NVL: variants seen among roughly 807,000 people sequenced by gnomAD.
NVL encodes nuclear VCP like.
Under a neutral mutation model 110.2 loss-of-function variants are expected in NVL, and 84 were observed. The ratio of observed to expected loss-of-function variants is 0.76; its 90% CI spans 0.64 to 0.91. The LOEUF is 0.91. Ranked by LOEUF, NVL falls within the 40% of genes least tolerant of loss-of-function variation. NVL has a pLI of 0.00. For missense variants in NVL, 882 were observed against 1,035.9 expected (o/e 0.85, Z 2.04); for synonymous variants, 354 against 361.1 (o/e 0.98, Z 0.22).
At position 224,314,567 on chromosome 1, in the gene NVL, G is replaced by A. The variant is rs549574695; in HGVS notation, c.285-2710C>T. Among the ~76,000 whole-genome samples the A allele has an allele frequency of 7.9e-5, 12 of 152,226 alleles. No individual in the cohort carries two copies. In the South Asian group the frequency reaches 1.0e-3, roughly 13 times the overall value. ...ATATCTAGCAAAATTAAAATTTATC[G>A]AAATCCTTCAGAAAAAGAAGACTCG... On this transcript the variant is annotated intron_variant, in intron 4 of 22. Transcript: ENST00000281701.
intron 9 of NVL, among the ~76,000 whole-genome samples, chr1:224,301,276 C>T (rs1485419747): frequency 2.6e-5 from 4 of 152,056 alleles, no homozygotes; most frequent in Non-Finnish European, 4.4e-5. Flanking sequence ...AGCAATTCTT[C>T]GTTTTTTTTG....
chr1:224,259,569 G>A lies in NVL; in HGVS notation c.2182+8465C>T, dbSNP rs1256300912. On this transcript the variant is annotated intron_variant, in intron 18 of 22. Transcript: ENST00000281701. Reference sequence around the variant, plus strand: ...TAGCAACACTATAAATATATCCATTGAAAATAATTACAAGATCAGACAACC... The same window carrying A: ...TAGCAACACTATAAATATATCCATTAAAAATAATTACAAGATCAGACAACC... Among the ~76,000 whole-genome samples, 11 of 152,188 alleles carry A rather than the reference G, an allele frequency of 7.2e-5. No homozygotes were observed. The East Asian group carries it at 1.9e-3, about 27-fold the overall frequency.
chr1:224,269,322 C>T (rs938154092), intron 17 of NVL, among the ~76,000 whole-genome samples: 2 of 150,536 alleles, frequency 1.3e-5, no homozygotes, highest in Non-Finnish European at 3.0e-5. Context: ...CTGAGCTCAA[C>T]CAATCCTCCT....
chr1:224,281,363 C>T (rs570715247), intron 15 of NVL, among the ~76,000 whole-genome samples, 178 bp from the exon 16 acceptor site: 8 of 151,698 alleles, frequency 5.3e-5, no homozygotes, highest in African/African-American at 9.7e-5. Flanking sequence ...TGCAGTGGCG[C>T]GATCTCGGCT....
At chr1:224,272,463 A>T (rs577329524) in intron 17 of NVL, among the ~76,000 whole-genome samples, 1 of 152,256 alleles carries the variant, frequency 6.6e-6, no homozygotes, top group African/African-American at 2.4e-5. Flanking sequence ...CACATCTGTA[A>T]TGCCAGCACT....
At chr1:224,304,854 G>A in intron 7 of NVL, 42 bp from the exon 8 acceptor site, 3 of 1,529,460 alleles carry the variant, frequency 2.0e-6, no homozygotes, top group Middle Eastern at 3.4e-4. Flanking sequence ...TAATGATTCA[G>A]TAGTAACTCA....
intron 10 of NVL, among the ~76,000 whole-genome samples, chr1:224,300,208 T>A (rs1241779812): frequency 6.6e-6 from 1 of 152,248 alleles, no homozygotes; most frequent in Non-Finnish European, 1.5e-5. Context: ...TAACAATTTT[T>A]ACATTGCTTA....
intron 2 of NVL, among the ~76,000 whole-genome samples, chr1:224,322,054 G>A (rs556089270): frequency 1.7e-4 from 26 of 152,086 alleles, no homozygotes; most frequent in African/African-American, 4.8e-4. Flanking sequence ...AGTGAGTGGC[G>A]GGGATAGAAA....
At chr1:224,261,422 T>A (rs1371994956) in intron 18 of NVL, among the ~76,000 whole-genome samples, 1 of 152,212 alleles carries the variant, frequency 6.6e-6, no homozygotes, top group Non-Finnish European at 1.5e-5. Flanking sequence ...ATATTTGGGT[T>A]TCATAATTGT....
At chr1:224,326,562 A>T in intron 1 of NVL, 98 bp from the exon 2 acceptor site, 1 of 721,966 alleles carries the variant, frequency 1.4e-6, no homozygotes, top group Non-Finnish European at 2.3e-6. Flanking sequence ...ATACTTTAAG[A>T]TAAACTCTTC....
At chr1:224,243,231 G>A (rs185894299) in intron 19 of NVL, among the ~76,000 whole-genome samples, 11 of 151,918 alleles carry the variant, frequency 7.2e-5, no homozygotes, top group Non-Finnish European at 1.0e-4. Flanking sequence ...AGGCTGAGGT[G>A]GGTACATCGC....
intron 2 of NVL, among the ~76,000 whole-genome samples, chr1:224,321,849 C>G (rs1670682529): frequency 6.6e-6 from 1 of 151,192 alleles, no homozygotes; most frequent in Non-Finnish European, 1.5e-5. Flanking sequence ...AAGGAGAGAA[C>G]AGGCATCATG....
At position 224,294,315 on chromosome 1, in the gene NVL, A is replaced by G. The variant is rs1396943068; in HGVS notation, c.1277T>C (p.Phe426Ser). The G allele has an allele frequency of 1.2e-6, 2 of 1,614,118 alleles. No individual in the cohort carries two copies. Among genetic ancestry groups the G allele is most frequent in the Non-Finnish European group, 1.7e-6 (2 of 1,180,026 alleles). ...LDPALRRAGRFDREICLGIPD... is the reference protein window; with the variant it reads ...LDPALRRAGRSDREICLGIPD... ...GATACCTAGGCATATTTCTCGGTCGAACCTTCCCGCACGTCTCAAAGCAGG... is the reference window on the plus strand; with the variant it reads ...GATACCTAGGCATATTTCTCGGTCGGACCTTCCCGCACGTCTCAAAGCAGG... The change falls in exon 12 of 23, where the codon TTC becomes TCC. Residue 426 changes from phenylalanine to serine, a missense_variant. Around this residue, in one of 4 missense-constraint regions of NVL, gnomAD observed 416 missense variants for 499.3 expected, o/e 0.83. Transcript: ENST00000281701.
Position 224,268,088 on chromosome 1 carries a change from C to T in NVL, c.2128G>A (p.Asp710Asn). ...ACCTGCTGGCGTGCTTCCAGACCATCCATCTCTGTAAGTAGCTGATTCACC... is the reference window on the plus strand; with the variant it reads ...ACCTGCTGGCGTGCTTCCAGACCATTCATCTCTGTAAGTAGCTGATTCACC... Reference protein sequence around the residue: ...RVVNQLLTEMDGLEARQQVFI... With the variant: ...RVVNQLLTEMNGLEARQQVFI... Residue 710 changes from aspartate to asparagine, a missense_variant, in exon 18 of 23, where the codon GAT becomes AAT. Physicochemically the swap from Asp to Asn is conservative, Grantham distance 23 (BLOSUM62 1). Coordinates refer to ENST00000281701, the MANE Select transcript of NVL (RefSeq NM_002533.4). 1 of 1,614,092 alleles carries T rather than the reference C, an allele frequency of 6.2e-7. No homozygotes were observed. The highest frequency in any genetic ancestry group is 8.5e-7 in the Non-Finnish European group (1 of 1,180,004).
intron 9 of NVL, among the ~76,000 whole-genome samples, chr1:224,302,732 G>A (rs1414388194): frequency 6.6e-6 from 1 of 151,784 alleles, no homozygotes; most frequent in Non-Finnish European, 1.5e-5. Flanking sequence ...TATAACCCTA[G>A]TTTTCTTATT....
At chr1:224,284,962 A>G (rs1369155566) in intron 15 of NVL, among the ~76,000 whole-genome samples, 1 of 152,220 alleles carries the variant, frequency 6.6e-6, no homozygotes. Context: ...GTACAAAAAT[A>G]TAAGTGCAAG....
chr1:224,316,662 CAAAAAAAAAAAAAAAA>C (rs1670100243), intron 4 of NVL, among the ~76,000 whole-genome samples: 1 of 121,978 alleles, frequency 8.2e-6, no homozygotes, highest in Admixed American at 9.0e-5. Context: ...AACCCTGTCT[CAAAAAAAAAAAAAAAA>C]GAAAAAGAAA....
At position 224,289,472 on chromosome 1, in the gene NVL, T is replaced by C; in HGVS notation, c.1575+12A>G. The C allele has an allele frequency of 6.2e-7, 1 of 1,613,506 alleles. No individual in the cohort carries two copies. The highest frequency in any genetic ancestry group is 8.5e-7 in the Non-Finnish European group (1 of 1,179,800). The stretch of plus-strand genomic sequence containing the variant: ...TTAAAAGGACAATTTAAGGTGCCTT[T>C]AGAGAAAGCACCTGTGTTTCAGAAG... On this transcript the variant is annotated intron_variant, in intron 13 of 22. Transcript: ENST00000281701.
rs1671167636 is a variant in NVL, at chr1:224,326,594, CATAA to C, written c.58-134_58-131del. Reference sequence around the variant, plus strand: ...CTTCGTTAATAAAGTGTACCAGAAACATAAATAAAAGTAACCAAATAATTGTCAA... The same window carrying C: ...CTTCGTTAATAAAGTGTACCAGAAACATAAAAGTAACCAAATAATTGTCAA... On this transcript the variant is annotated intron_variant, in intron 1 of 22. Transcript: ENST00000281701. 33 of 570,748 alleles carry C rather than the reference CATAA, an allele frequency of 5.8e-5. No individual in the cohort carries two copies. The South Asian group carries it at 9.0e-4, about 16-fold the overall frequency. 35.4% of individuals were successfully genotyped at this position (570,748 alleles called of 1,614,324 possible).
Sources: gnomAD v4.1 joint callset for allele counts (sites outside exome capture counted in the v4.1 genomes callset) on GRCh38, gnomAD v4.1.1 for gene constraint, gnomAD v4.1.1 regional missense constraint, MANE v1.5 for transcripts, NCBI Gene and HGNC (gene_info 2026-07-23, HGNC 2026-07-21) for gene names.